Variants in EXOC6 observed in about 807,000 individuals in gnomAD.
The protein encoded by EXOC6 is exocyst complex component 6.
EXOC6 carries 60 observed loss-of-function variants against 112.5 expected under a neutral mutation model. The observed-to-expected ratio is 0.53, with a 90% confidence interval of 0.43 to 0.66. The LOEUF is 0.66. EXOC6 is among the 30% of genes least tolerant of loss of function. The probability of loss-of-function intolerance (pLI) is 0.00; values close to 1 mark genes in which losing one functional copy is unlikely to be tolerated. For missense variants in EXOC6, 855 were observed against 957.1 expected (o/e 0.89, Z 1.41); for synonymous variants, 295 against 308.0 (o/e 0.96, Z 0.44).
At chr10:92,904,393 G>A (rs943611834) in intron 5 of EXOC6, among the ~76,000 whole-genome samples, 1 of 152,018 alleles carries the variant, frequency 6.6e-6, no homozygotes, top group Non-Finnish European at 1.5e-5. Context: ...TTCAGAAGTG[G>A]CTGTACTATT....
rs1213655259 is a variant in EXOC6 at position 93,042,945 on chromosome 10, TATTATTA to T, written c.2170-13978_2170-13972del. Among the ~76,000 whole-genome samples, 135 of 144,416 alleles carry T rather than the reference TATTATTA, an allele frequency of 9.3e-4. 3 individuals are homozygous for T. The highest frequency in any genetic ancestry group is 5.3e-3 in the Admixed American group (74 of 14,042). 94.7% of individuals were successfully genotyped at this position (144,416 alleles called of 152,430 possible). On this transcript the variant is annotated intron_variant, in intron 20 of 21. Transcript: ENST00000260762. ...ATTTTACTATTATTATTATTATTATTATTATTATTATTATTTTTTGAGATGGAGTCGC... is the reference window on the plus strand; with the variant it reads ...ATTTTACTATTATTATTATTATTATTTTATTATTTTTTGAGATGGAGTCGC...
chr10:92,827,621 G>C (rs924340266), intron 1 of EXOC6, among the ~76,000 whole-genome samples: 1 of 151,904 alleles, frequency 6.6e-6, no homozygotes, highest in Admixed American at 6.6e-5. Flanking sequence ...TGTTGGAGGG[G>C]ACAGGTGAGT....
chr10:92,902,396 T>G (rs1264994321), intron 5 of EXOC6, among the ~76,000 whole-genome samples: 1 of 152,116 alleles, frequency 6.6e-6, no homozygotes, highest in Non-Finnish European at 1.5e-5. Flanking sequence ...CTTTGACATT[T>G]TAAAATCTCT....
intron 8 of EXOC6, among the ~76,000 whole-genome samples, chr10:92,920,495 A>T (rs1253646511): frequency 6.6e-6 from 1 of 152,252 alleles, no homozygotes; most frequent in African/African-American, 2.4e-5. Flanking sequence ...AACCATTACC[A>T]CTACCTAATT....
At chr10:92,902,092 A>C (rs1415546157) in intron 5 of EXOC6, among the ~76,000 whole-genome samples, 1 of 152,038 alleles carries the variant, frequency 6.6e-6, no homozygotes, top group Non-Finnish European at 1.5e-5. Flanking sequence ...ACACACACAC[A>C]CACACACACA....
intron 19 of EXOC6, among the ~76,000 whole-genome samples, chr10:93,008,280 T>C (rs902662794): frequency 2.0e-5 from 3 of 152,156 alleles, no homozygotes; most frequent in Non-Finnish European, 4.4e-5. Flanking sequence ...AATAGTCAAA[T>C]TGGAGGCATT....
Position 92,915,824 on chromosome 10 carries a change from A to G in EXOC6, c.730A>G (p.Met244Val). The G allele has an allele frequency of 6.5e-7, 1 of 1,534,944 alleles. No individual in the cohort carries two copies. Among genetic ancestry groups the G allele is most frequent in the Non-Finnish European group, 8.7e-7 (1 of 1,150,016 alleles). Residue 244 changes from methionine (M) to valine (V), a missense_variant, in exon 7 of 22, where the codon ATG becomes GTG. Physicochemically the swap from Met to Val is conservative, Grantham distance 21. This residue lies in a region of EXOC6 where 405 missense variants were observed against 393.6 expected (regional missense o/e 1.03). Transcript: ENST00000260762. ...AAATAAAATGAAATTTGGGAAAAAT[A>G]TGTATATAAATCGTGATAGAATTCC... is the stretch of plus-strand genomic sequence containing the variant. ...KQNKMKFGKN[M>V]YINRDRIPEE...
chr10:92,866,375 C>T (rs530041221), intron 1 of EXOC6, among the ~76,000 whole-genome samples: 4 of 152,192 alleles, frequency 2.6e-5, no homozygotes, highest in African/African-American at 4.8e-5. Context: ...CAAAACTGAA[C>T]ACTTTCATTA....
rs566776299 is a variant in EXOC6, at chr10:92,865,282, C to T, written c.101+16648C>T. ...GGCACGGTGGCTCACGCCTGTAATT[C>T]CAGCACTTTGGGAGGCCAAGGCGGG... On this transcript the variant is annotated intron_variant, in intron 1 of 21. Transcript: ENST00000260762. Among the ~76,000 whole-genome samples the T allele has an allele frequency of 7.1e-4, 108 of 152,168 alleles. No homozygotes were observed. In the Middle Eastern group the frequency reaches 0.01, roughly 14 times the overall value.
intron 1 of EXOC6, among the ~76,000 whole-genome samples, chr10:92,848,993 G>A (rs1847189288): frequency 6.6e-6 from 1 of 152,148 alleles, no homozygotes; most frequent in African/African-American, 2.4e-5. Flanking sequence ...CGTCTCGCTC[G>A]TGGTGGGGCT....
intron 5 of EXOC6, chr10:92,901,168 C>A (rs1224224520): frequency 6.6e-6 from 1 of 152,126 alleles, no homozygotes; most frequent in Non-Finnish European, 1.5e-5. Context: ...TAAATTTGAT[C>A]ATTTGGTTAA....
At chr10:92,922,335 A>C (rs1237586577) in intron 8 of EXOC6, among the ~76,000 whole-genome samples, 1 of 152,232 alleles carries the variant, frequency 6.6e-6, no homozygotes, top group Non-Finnish European at 1.5e-5. Flanking sequence ...TGGGAAAATT[A>C]CTTCCCTTAT....
chr10:92,926,933 C>A (rs561221205), intron 8 of EXOC6, among the ~76,000 whole-genome samples: 5 of 152,092 alleles, frequency 3.3e-5, no homozygotes, highest in African/African-American at 1.2e-4. Context: ...ATATCCTCTA[C>A]ATTTATTTAA....
At chr10:92,995,290 T>G (rs1293573962) in intron 18 of EXOC6, among the ~76,000 whole-genome samples, 2 of 152,156 alleles carry the variant, frequency 1.3e-5, no homozygotes, top group East Asian at 3.9e-4. Context: ...CTTACCATCG[T>G]TTTCAGCTCC....
At chr10:92,947,386 A>G (rs1853090902) in intron 13 of EXOC6, among the ~76,000 whole-genome samples, 1 of 152,214 alleles carries the variant, frequency 6.6e-6, no homozygotes, top group South Asian at 2.1e-4. Flanking sequence ...AATGGCCAAA[A>G]CTAGTCATAT....
chr10:92,903,301 T>C (rs1850274280), intron 5 of EXOC6, among the ~76,000 whole-genome samples: 1 of 152,064 alleles, frequency 6.6e-6, no homozygotes, highest in Non-Finnish European at 1.5e-5. Flanking sequence ...TTTTGGTAAG[T>C]ATAAAATAGT....
At chr10:92,854,007 C>CAAAAAAAAAA (rs34153493) in intron 1 of EXOC6, among the ~76,000 whole-genome samples, 2 of 120,084 alleles carry the variant, frequency 1.7e-5, no homozygotes, top group South Asian at 2.5e-4. Flanking sequence ...GTCCCTGTCT[C>CAAAAAAAAAA]AAAAAAAAAA....
At chr10:92,832,450 T>A (rs1054653067), upstream of EXOC6, among the ~76,000 whole-genome samples, 2 of 152,080 alleles carry the variant, frequency 1.3e-5, no homozygotes, top group South Asian at 4.1e-4. Flanking sequence ...GCTAATTTTT[T>A]AATTTTTAGT....
intron 20 of EXOC6, among the ~76,000 whole-genome samples, chr10:93,019,001 C>G (rs1379694787): frequency 6.6e-6 from 1 of 152,056 alleles, no homozygotes; most frequent in East Asian, 1.9e-4. Context: ...ATTGCTAACC[C>G]AACATCAAGC....
Sources: gnomAD v4.1 joint callset for allele counts (sites outside exome capture counted in the v4.1 genomes callset) on GRCh38, gnomAD v4.1.1 for gene constraint, gnomAD v4.1.1 regional missense constraint, MANE v1.5 for transcripts, NCBI Gene and HGNC (gene_info 2026-07-23, HGNC 2026-07-21) for gene names.